Variants in CREB5 observed in about 807,000 individuals in gnomAD.
The protein encoded by CREB5 is cyclic AMP-responsive element-binding protein 5.
In CREB5, 19 loss-of-function variants were observed where a neutral mutation model predicts 57.1. The observed-to-expected ratio is 0.33, with a 90% confidence interval of 0.23 to 0.49. The LOEUF (loss-of-function observed/expected upper bound fraction) is 0.49, where lower values mean the gene tolerates loss of function less well. Ranked by LOEUF, CREB5 falls within the 20% of genes least tolerant of loss-of-function variation. The pLI, the probability that CREB5 is intolerant of heterozygous loss-of-function variation, is 0.99. For missense variants in CREB5, 579 were observed against 671.6 expected (o/e 0.86, Z 1.52); for synonymous variants, 238 against 238.3 (o/e 1.00, Z 0.01).
chr7:28,341,104 G>T (rs1032474512), intron 1 of CREB5, among the ~76,000 whole-genome samples: 4 of 152,104 alleles, frequency 2.6e-5, no homozygotes, highest in East Asian at 1.9e-4. Context: ...CCGCTCATCT[G>T]ATTGTTTGTT....
intron 9 of CREB5, among the ~76,000 whole-genome samples, chr7:28,815,933 A>G (rs187165555): frequency 2.0e-5 from 3 of 152,324 alleles, no homozygotes; most frequent in Non-Finnish European, 4.4e-5. Flanking sequence ...TGTCTACATT[A>G]TCTGCAGCTG....
rs181433227 is a variant in CREB5, at chr7:28,540,510, A to G, written c.292-29855A>G. On this transcript the variant is annotated intron_variant, in intron 4 of 10. Transcript: ENST00000357727. ...CACAAGGGATACGGGAGGAGGCTTC[A>G]TGATTTCCCCTGGGCTGCCTCTGCC... Among the ~76,000 whole-genome samples the G allele has an allele frequency of 1.4e-4, 21 of 152,294 alleles. No individual in the cohort carries two copies. In the South Asian group the frequency reaches 3.1e-3, roughly 23 times the overall value.
chr7:28,803,755 C>CAA (rs562078960), intron 7 of CREB5, among the ~76,000 whole-genome samples: 48 of 79,494 alleles, frequency 6.0e-4, no homozygotes, highest in East Asian at 3.5e-3. Flanking sequence ...GACTCCATCT[C>CAA]AAAAAAAAAA....
At chr7:28,386,155 C>T (rs568331251) in intron 1 of CREB5, among the ~76,000 whole-genome samples, 1 of 152,080 alleles carries the variant, frequency 6.6e-6, no homozygotes, top group Non-Finnish European at 1.5e-5. Flanking sequence ...GTCTATTTTC[C>T]TTTCTGACAT....
At chr7:28,653,424 G>A (rs1009428288) in intron 5 of CREB5, among the ~76,000 whole-genome samples, 3 of 152,154 alleles carry the variant, frequency 2.0e-5, no homozygotes, top group Non-Finnish European at 4.4e-5. Context: ...GAGCCTGACT[G>A]AGTGTGGGTG....
chr7:28,366,012 G>T (rs531782787), intron 1 of CREB5, among the ~76,000 whole-genome samples: 12 of 152,198 alleles, frequency 7.9e-5, no homozygotes, highest in Non-Finnish European at 1.5e-4. Flanking sequence ...AATGTGCCCA[G>T]TGAAATCTAA....
chr7:28,506,293 C>A (rs1271298893), intron 3 of CREB5, among the ~76,000 whole-genome samples: 3 of 152,130 alleles, frequency 2.0e-5, no homozygotes, highest in Non-Finnish European at 4.4e-5. Flanking sequence ...AAATATAATT[C>A]TAGTTTCTTA....
At chr7:28,551,855 C>CT (rs370075658) in intron 4 of CREB5, among the ~76,000 whole-genome samples, 7 of 132,132 alleles carry the variant, frequency 5.3e-5, no homozygotes, top group South Asian at 2.5e-4. Context: ...TTCTTTCTTT[C>CT]TTTTCTTTCT....
chr7:28,541,316 G>A (rs1022725141), intron 4 of CREB5, among the ~76,000 whole-genome samples: 3 of 152,078 alleles, frequency 2.0e-5, no homozygotes, highest in African/African-American at 4.8e-5. Flanking sequence ...TATTAGGAGT[G>A]TGGCTTATGG....
chr7:28,375,172 GA>G (rs1406292984), intron 1 of CREB5, among the ~76,000 whole-genome samples: 2 of 151,964 alleles, frequency 1.3e-5, no homozygotes, highest in South Asian at 2.1e-4. Context: ...GACCTCCTTA[GA>G]AAAAAAAGTT....
intron 1 of CREB5, among the ~76,000 whole-genome samples, chr7:28,316,403 G>C (rs1252657160): frequency 1.3e-5 from 2 of 152,302 alleles, no homozygotes; most frequent in Admixed American, 1.3e-4. Context: ...AGAAAAAAAG[G>C]ATGTGTCAGT....
chr7:28,614,311 G>T (rs1173887299), intron 5 of CREB5, among the ~76,000 whole-genome samples: 1 of 152,066 alleles, frequency 6.6e-6, no homozygotes, highest in Non-Finnish European at 1.5e-5. Context: ...TATCCATTTG[G>T]GATTTGATCT....
At chr7:28,324,485 T>C (rs1237302042) in intron 1 of CREB5, among the ~76,000 whole-genome samples, 1 of 152,204 alleles carries the variant, frequency 6.6e-6, no homozygotes, top group African/African-American at 2.4e-5. Context: ...ATCTTGACTT[T>C]CATGATGCCA....
intron 5 of CREB5, among the ~76,000 whole-genome samples, chr7:28,625,655 G>A (rs1371982327): frequency 3.3e-5 from 5 of 152,112 alleles, no homozygotes; most frequent in African/African-American, 1.2e-4. Flanking sequence ...ATCCACAGGG[G>A]AAAAAAGTTA....
At chr7:28,326,345 A>G (rs1264388420) in intron 1 of CREB5, among the ~76,000 whole-genome samples, 2 of 152,054 alleles carry the variant, frequency 1.3e-5, no homozygotes, top group Non-Finnish European at 2.9e-5. Context: ...CCTGGCTCCC[A>G]TTATCCTTAA....
At chr7:28,403,519 T>A (rs1486796540) in intron 1 of CREB5, among the ~76,000 whole-genome samples, 2 of 152,184 alleles carry the variant, frequency 1.3e-5, no homozygotes, top group Admixed American at 6.5e-5. Flanking sequence ...TCCTAGGAGA[T>A]AGATGCTGAT....
At chr7:28,410,786 A>G (rs1218734853), upstream of CREB5, 5 of 352,160 alleles carry the variant, frequency 1.4e-5, no homozygotes, top group Admixed American at 7.5e-5. Flanking sequence ...TGTTTGATTA[A>G]CGGCTTGAGC....
chr7:28,375,829 A>G (rs1786811720), intron 1 of CREB5, among the ~76,000 whole-genome samples: 1 of 152,116 alleles, frequency 6.6e-6, no homozygotes, highest in Non-Finnish European at 1.5e-5. Flanking sequence ...ACAATGTTTA[A>G]TCTGTAATAA....
chr7:28,529,887 A>G (rs1793647245), intron 4 of CREB5, among the ~76,000 whole-genome samples: 1 of 152,218 alleles, frequency 6.6e-6, no homozygotes. Context: ...CGGTGAGGCT[A>G]TTTGGGACAC....
Sources: gnomAD v4.1 joint callset for allele counts (sites outside exome capture counted in the v4.1 genomes callset) on GRCh38, gnomAD v4.1.1 for gene constraint, MANE v1.5 for transcripts, NCBI Gene and HGNC (gene_info 2026-07-23, HGNC 2026-07-21) for gene names.